DISC1: variants seen among roughly 807,000 people sequenced by gnomAD.
DISC1 encodes the protein disrupted in schizophrenia 1 protein.
A neutral mutation model predicts 84.5 loss-of-function variants in DISC1; 57 were observed. The observed-to-expected ratio is 0.67, with a 90% CI of 0.55 to 0.84. The LOEUF is 0.84. Among genes scored for constraint, DISC1 ranks in the 40% least tolerant of loss-of-function variants. The pLI is 0.00. For synonymous variants in DISC1, 411 were observed against 415.2 expected (o/e 0.99, Z 0.12); for missense variants, 1,000 against 1,057.8 (o/e 0.95, Z 0.76).
intron 9 of DISC1, among the ~76,000 whole-genome samples, chr1:231,925,315 G>A (rs149757133): frequency 5.3e-5 from 8 of 152,292 alleles, no homozygotes; most frequent in African/African-American, 1.7e-4. Flanking sequence ...ACTACCACCT[G>A]CATGGTGATG....
intron 9 of DISC1, among the ~76,000 whole-genome samples, chr1:231,870,764 G>C (rs1273349925): frequency 6.6e-6 from 1 of 152,194 alleles, no homozygotes; most frequent in Non-Finnish European, 1.5e-5. Flanking sequence ...TTAGAGATTA[G>C]CCATTAGTTT....
intron 10 of DISC1, among the ~76,000 whole-genome samples, chr1:231,983,389 T>A (rs1168193142): frequency 1.3e-5 from 2 of 150,714 alleles, no homozygotes; most frequent in Non-Finnish European, 3.0e-5. Context: ...GAAGCCACTG[T>A]ATCACAGGAG....
intron 10 of DISC1, among the ~76,000 whole-genome samples, chr1:232,004,848 TCTCC>T (rs1173175933): frequency 0.012 from 1,231 of 105,444 alleles, 25 homozygotes; most frequent in African/African-American, 0.045. Context: ...TCGCTCCATC[TCTCC>T]CTCCCTCCCT....
chr1:231,673,828 A>G (rs947747046), intron 1 of DISC1, among the ~76,000 whole-genome samples: 6 of 152,234 alleles, frequency 3.9e-5, no homozygotes, highest in Admixed American at 1.3e-4. Context: ...AACAACAAAC[A>G]TCATTGAGTA....
In DISC1 at chr1:231,826,389, CA is replaced by C. The variant is rs1221647116; in HGVS notation, c.1981+7877del. Among the ~76,000 whole-genome samples the C allele has an allele frequency of 6.6e-6, 1 of 152,172 alleles. No individual in the cohort carries two copies. The highest frequency in any genetic ancestry group is 1.5e-5 in the Non-Finnish European group (1 of 68,028). ...TTCATAATTACAAAACAAAAGTCTA[CA>C]AAAAGTCATCTATTGATGATGTTGA... On this transcript the variant is annotated intron_variant, in intron 9 of 12. Transcript: ENST00000439617. This position sits in a 1 kb window ranked among gnomAD's most constrained non-coding sequence, Gnocchi z 4.2.
chr1:231,870,594 G>A (rs2085386970), intron 9 of DISC1, among the ~76,000 whole-genome samples: 1 of 152,186 alleles, frequency 6.6e-6, no homozygotes, highest in South Asian at 2.1e-4. Flanking sequence ...GTTTCCATAA[G>A]GCTTCAGCTT....
chr1:231,773,454 G>C (rs1335951648), intron 6 of DISC1, among the ~76,000 whole-genome samples: 1 of 152,086 alleles, frequency 6.6e-6, no homozygotes, highest in African/African-American at 2.4e-5. Context: ...GTGCGATCTC[G>C]GCTCACTGCA....
chr1:231,962,530 G>A (rs1475179063), intron 10 of DISC1, among the ~76,000 whole-genome samples: 3 of 152,140 alleles, frequency 2.0e-5, no homozygotes, highest in Admixed American at 6.5e-5. Context: ...GAGGCAACAC[G>A]TTACCCAACT....
chr1:231,771,444 C>T, intron 6 of DISC1: 2 of 985,410 alleles, frequency 2.0e-6, no homozygotes, highest in Non-Finnish European at 1.2e-6. Context: ...CTATGCCTCT[C>T]ACTAAGGGAA....
intron 4 of DISC1, among the ~76,000 whole-genome samples, chr1:231,765,195 C>CAAAAAAAAAA (rs71179793): frequency 1.1e-5 from 1 of 93,302 alleles, no homozygotes. Context: ...GTCCACCCTA[C>CAAAAAAAAAA]AAAAAAAAAA....
intron 1 of DISC1, among the ~76,000 whole-genome samples, chr1:231,690,253 G>T (rs1365555377): frequency 2.0e-5 from 3 of 152,174 alleles, no homozygotes; most frequent in Non-Finnish European, 4.4e-5. Flanking sequence ...AGGAAGTAAG[G>T]CATCAGCGCT....
chr1:232,005,541 A>G (rs540052022), intron 10 of DISC1, among the ~76,000 whole-genome samples: 31 of 152,132 alleles, frequency 2.0e-4, no homozygotes, highest in African/African-American at 5.5e-4. Context: ...ATCTTTTCCT[A>G]TTTTGAGTTG....
At chr1:231,633,585 T>C (rs1188412986) in intron 1 of DISC1, among the ~76,000 whole-genome samples, 1 of 152,202 alleles carries the variant, frequency 6.6e-6, no homozygotes, top group Non-Finnish European at 1.5e-5. Context: ...GAAGCCTAGA[T>C]AGCTTCTTTG....
Position 231,771,034 on chromosome 1 carries a change from T to A in DISC1, c.1598T>A (p.Ile533Asn). 6.2e-7 allele frequency: 1 copy of A among 1,610,098 alleles called. No homozygotes were observed. Among genetic ancestry groups the A allele is most frequent in the Non-Finnish European group, 8.5e-7 (1 of 1,178,014 alleles). Residue 533 changes from isoleucine to asparagine, a missense_variant, in exon 6 of 13, where the codon ATT (isoleucine) becomes AAT (asparagine). Physicochemically the swap from Ile to Asn is moderately radical, Grantham distance 149. This residue lies in a region of DISC1 where 397 missense variants were observed against 377.5 expected (regional missense o/e 1.05). Transcript: ENST00000439617. Reference sequence around the variant, plus strand: ...GACACCCTGGCCTCAGCCGGTCAGATTCCCTTCCATGCAGAGCCACCGGAA... The same window carrying A: ...GACACCCTGGCCTCAGCCGGTCAGAATCCCTTCCATGCAGAGCCACCGGAA... ...LQDTLASAGQIPFHAEPPETI... is the reference protein window; with the variant it reads ...LQDTLASAGQNPFHAEPPETI...
At chr1:231,692,918 C>T (rs2065220165) in intron 1 of DISC1, among the ~76,000 whole-genome samples, 1 of 152,186 alleles carries the variant, frequency 6.6e-6, no homozygotes, top group Non-Finnish European at 1.5e-5. Context: ...TTATGAGTAG[C>T]AAAGTGCTAT....
intron 3 of DISC1, among the ~76,000 whole-genome samples, chr1:231,712,779 G>C (rs1414152953): frequency 6.6e-6 from 1 of 152,182 alleles, no homozygotes; most frequent in African/African-American, 2.4e-5. Context: ...AAAAATGGCA[G>C]GCATTGCTTG....
chr1:231,988,121 G>A (rs969033216), intron 10 of DISC1, among the ~76,000 whole-genome samples: 2 of 152,172 alleles, frequency 1.3e-5, no homozygotes, highest in Non-Finnish European at 2.9e-5. Flanking sequence ...GGGAGGCAGA[G>A]GTTACAGCGA....
At chr1:231,714,696 GAGAT>G (rs910798046) in intron 3 of DISC1, among the ~76,000 whole-genome samples, 2 of 151,598 alleles carry the variant, frequency 1.3e-5, no homozygotes, top group Non-Finnish European at 2.9e-5. Flanking sequence ...CAGAAAGAGA[GAGAT>G]AGGGATTGAG....
rs1355128295 is a variant in DISC1 at position 231,785,298 on chromosome 1, G to T, written c.1635-9944G>T. ...ATTTATTTATTTATTTATTTATTTA[G>T]AGACAAAGTCTTGCTTTGTCACCCA... is the stretch of plus-strand genomic sequence containing the variant. On this transcript the variant is annotated intron_variant, in intron 6 of 12. Transcript: ENST00000439617. 3.2e-5 allele frequency among the ~76,000 whole-genome samples: 4 copies of T among 124,498 alleles called. No homozygotes were observed. In the Admixed American group the frequency reaches 3.2e-4, roughly 10 times the overall value. 81.7% of individuals were successfully genotyped at this position (124,498 alleles called of 152,430 possible).
Sources: gnomAD v4.1 joint callset for allele counts (sites outside exome capture counted in the v4.1 genomes callset) on GRCh38, gnomAD v4.1.1 for gene constraint, gnomAD v4.1.1 regional missense constraint, Gnocchi (gnomAD v3.1) non-coding constraint, MANE v1.5 for transcripts, NCBI Gene and HGNC (gene_info 2026-07-23, HGNC 2026-07-21) for gene names.